The following SBF2 variants were observed in gnomAD, a reference collection of about 807,000 sequenced individuals.
SBF2 encodes the protein SET binding factor 2, also known as myotubularin-related protein 13.
A neutral mutation model predicts 225.2 loss-of-function variants in SBF2; 112 were observed. The ratio of observed to expected loss-of-function variants is 0.50; its 90% CI spans 0.43 to 0.58. SBF2 has a LOEUF of 0.58. SBF2 is among the 20% of genes least tolerant of loss of function. The pLI is 0.00. For synonymous variants in SBF2, 763 were observed against 773.3 expected, an observed-to-expected ratio of 0.99 and a Z score of 0.22; for missense variants, 1,996 against 2,206.2, an observed-to-expected ratio of 0.90 and a Z score of 1.91.
chr11:9,924,140 T>C (rs1863844449), intron 16 of SBF2, among the ~76,000 whole-genome samples: 2 of 152,202 alleles, frequency 1.3e-5, no homozygotes, highest in South Asian at 4.1e-4. Flanking sequence ...CAGATGGTCC[T>C]AGACTTATGA....
At chr11:10,029,643 G>T in intron 5 of SBF2, 122 bp downstream of exon 5, 1 of 784,458 alleles carries the variant, frequency 1.3e-6, no homozygotes, top group Non-Finnish European at 2.2e-6. Flanking sequence ...ACTAAAGTAG[G>T]ATCTTCCTTA....
intron 6 of SBF2, among the ~76,000 whole-genome samples, chr11:10,011,340 C>A (rs1216035449): frequency 2.0e-5 from 3 of 152,128 alleles, no homozygotes; most frequent in African/African-American, 4.8e-5. Flanking sequence ...GATCCTTCCA[C>A]CTTAGCCTCT....
At position 10,040,669 on chromosome 11, in the gene SBF2, A is replaced by C. The variant is rs140934677; in HGVS notation, c.279+2175T>G. Among the ~76,000 whole-genome samples the C allele has an allele frequency of 2.0e-5, 3 of 152,102 alleles. No homozygotes were observed. In the East Asian group the frequency reaches 5.8e-4, roughly 29 times the overall value. On this transcript the variant is annotated intron_variant, in intron 3 of 39. Transcript: ENST00000256190. Reference sequence around the variant, plus strand: ...ATTGATGTTAAATTTCCTGAGGTTGATAACTGTACTGTTTACGTACTGTTC... The same window carrying C: ...ATTGATGTTAAATTTCCTGAGGTTGCTAACTGTACTGTTTACGTACTGTTC...
chr11:9,823,516 A>AAG (rs1854895637), intron 28 of SBF2, among the ~76,000 whole-genome samples: 1 of 152,092 alleles, frequency 6.6e-6, no homozygotes, highest in East Asian at 1.9e-4. Flanking sequence ...AAAAAAAAAA[A>AAG]AAGAAGAAGA....
chr11:10,195,788 C>T (rs1010288761), intron 1 of SBF2, among the ~76,000 whole-genome samples: 27 of 152,150 alleles, frequency 1.8e-4, no homozygotes, highest in Non-Finnish European at 3.5e-4. Flanking sequence ...TAAAAATATT[C>T]TCAATTAAAA....
intron 13 of SBF2, among the ~76,000 whole-genome samples, chr11:9,973,897 G>A (rs1946563044): frequency 6.6e-6 from 1 of 152,184 alleles, no homozygotes; most frequent in Non-Finnish European, 1.5e-5. Flanking sequence ...TATTGTTAGA[G>A]CTTATCAAGT....
intron 6 of SBF2, among the ~76,000 whole-genome samples, chr11:10,003,558 G>A (rs903363867): frequency 6.6e-6 from 1 of 151,776 alleles, no homozygotes; most frequent in African/African-American, 2.4e-5. Context: ...TAGTAGAGAC[G>A]GGGTTTCACC....
chr11:10,025,639 G>A (rs1031369070), intron 6 of SBF2, among the ~76,000 whole-genome samples: 1 of 152,078 alleles, frequency 6.6e-6, no homozygotes. Flanking sequence ...TCACTCTGTC[G>A]CCCAGGCTGG....
chr11:10,215,716 A>T (rs1188672105), intron 1 of SBF2, among the ~76,000 whole-genome samples: 2 of 152,352 alleles, frequency 1.3e-5, no homozygotes, highest in Admixed American at 1.3e-4. Flanking sequence ...TTTCTTGCAT[A>T]GACTACTGCA....
At chr11:9,905,149 T>C (rs1394087040) in intron 16 of SBF2, among the ~76,000 whole-genome samples, 1 of 152,354 alleles carries the variant, frequency 6.6e-6, no homozygotes, top group Non-Finnish European at 1.5e-5. Flanking sequence ...CTTAAAATTG[T>C]ACCTGGTACA....
chr11:9,851,736 C>T (rs2649049), intron 21 of SBF2, among the ~76,000 whole-genome samples: 94,560 of 151,862 alleles, frequency 0.62, 29,759 homozygotes, highest in Middle Eastern at 0.75. Flanking sequence ...ACCTGCCTTC[C>T]GCTCACTCCT....
intron 16 of SBF2, chr11:9,957,830 C>T (rs1423713551): frequency 6.6e-6 from 1 of 151,856 alleles, no homozygotes; most frequent in East Asian, 1.9e-4. Context: ...GCAAAAAGAA[C>T]CTCTTCTTCT....
chr11:10,173,889 C>G (rs952698882), intron 2 of SBF2, among the ~76,000 whole-genome samples: 2 of 151,868 alleles, frequency 1.3e-5, no homozygotes, highest in African/African-American at 2.4e-5. Flanking sequence ...AGGCACCCCC[C>G]AGCAGGGGCA....
At chr11:10,148,555 G>A (rs1402751455) in intron 2 of SBF2, among the ~76,000 whole-genome samples, 2 of 151,514 alleles carry the variant, frequency 1.3e-5, no homozygotes, top group Non-Finnish European at 2.9e-5. Context: ...TCTCCACTAG[G>A]AAGATTACCA....
chr11:10,260,784 G>A (rs1484575885), intron 1 of SBF2, among the ~76,000 whole-genome samples: 1 of 151,232 alleles, frequency 6.6e-6, no homozygotes, highest in Non-Finnish European at 1.5e-5. Flanking sequence ...AGGAGGTTAA[G>A]ACAGGAGGAT....
intron 32 of SBF2, among the ~76,000 whole-genome samples, chr11:9,804,734 T>C (rs935586983): frequency 2.0e-5 from 3 of 152,236 alleles, no homozygotes; most frequent in African/African-American, 7.2e-5. Context: ...TCACTGAACA[T>C]AGTGATCACA....
intron 2 of SBF2, among the ~76,000 whole-genome samples, chr11:10,175,870 G>T (rs1382535983): frequency 1.3e-5 from 2 of 151,694 alleles, no homozygotes; most frequent in Non-Finnish European, 2.9e-5. Flanking sequence ...ACTCAAAACC[G>T]CTCAACTACA....
At chr11:10,113,796 T>C (rs897860619) in intron 2 of SBF2, among the ~76,000 whole-genome samples, 2 of 139,706 alleles carry the variant, frequency 1.4e-5, no homozygotes, top group Non-Finnish European at 3.1e-5. Context: ...TTACATGCAG[T>C]TTAAAAAAAA....
intron 16 of SBF2, among the ~76,000 whole-genome samples, chr11:9,916,462 G>A (rs1349579713): frequency 6.6e-6 from 1 of 152,036 alleles, no homozygotes; most frequent in Non-Finnish European, 1.5e-5. Flanking sequence ...ATATTTCCCT[G>A]TGCTTCAATA....
Sources: gnomAD v4.1 joint callset for allele counts (sites outside exome capture counted in the v4.1 genomes callset) on GRCh38, gnomAD v4.1.1 for gene constraint, MANE v1.5 for transcripts, NCBI Gene and HGNC (gene_info 2026-07-23, HGNC 2026-07-21) for gene names.